The following PCDH15 variants were observed in gnomAD, a reference collection of about 807,000 sequenced individuals.
PCDH15 encodes protocadherin-15.
A neutral mutation model predicts 178.5 loss-of-function variants in PCDH15; 129 were observed. The observed-to-expected ratio is 0.72, with a 90% CI of 0.63 to 0.84. The LOEUF (loss-of-function observed/expected upper bound fraction) is 0.84. Among genes scored for constraint, PCDH15 ranks in the 40% least tolerant of loss-of-function variants. PCDH15 has a pLI of 0.00. For missense variants in PCDH15, 2,230 were observed against 2,099.9 expected (o/e 1.06, Z -1.21); for synonymous variants, 800 against 732.0 (o/e 1.09, Z -1.50).
At chr10:55,620,953 GAACAT>G (rs925906194) in intron 2 of PCDH15, among the ~76,000 whole-genome samples, 4 of 151,484 alleles carry the variant, frequency 2.6e-5, no homozygotes, top group Non-Finnish European at 5.9e-5. Context: ...CCATTTTAAA[GAACAT>G]AACATGTCAT....
At chr10:55,235,906 CAAAAAA>C (rs144784085) in intron 1 of PCDH15, among the ~76,000 whole-genome samples, 2 of 115,636 alleles carry the variant, frequency 1.7e-5, no homozygotes, top group African/African-American at 3.2e-5. Context: ...GACTCCATGT[CAAAAAA>C]AAAAAAAAAA....
At chr10:54,895,797 T>G (rs960739796) in intron 3 of PCDH15, among the ~76,000 whole-genome samples, 1 of 152,000 alleles carries the variant, frequency 6.6e-6, no homozygotes, top group East Asian at 1.9e-4. Context: ...TCAGTCAAGG[T>G]TTTTTTTAGC....
intron 1 of PCDH15, among the ~76,000 whole-genome samples, chr10:55,249,190 T>C (rs1841766641): frequency 2.6e-5 from 4 of 152,156 alleles, no homozygotes; most frequent in Non-Finnish European, 5.9e-5. Context: ...GCAGTAGAGA[T>C]CTTGTTGTTA....
intron 1 of PCDH15, among the ~76,000 whole-genome samples, chr10:54,743,759 T>C (rs1945116529): frequency 6.6e-6 from 1 of 151,870 alleles, no homozygotes; most frequent in African/African-American, 2.4e-5. Flanking sequence ...AAGGATAACA[T>C]GCTAAAATTT....
rs202120151 is a variant in PCDH15, at chr10:53,986,987, T to C, written c.2868+8662A>G. Among the ~76,000 whole-genome samples, 6 of 152,314 alleles carry C rather than the reference T, an allele frequency of 3.9e-5. No homozygotes were observed. In the East Asian group the frequency reaches 1.2e-3, roughly 29 times the overall value. On this transcript the variant is annotated intron_variant, in intron 21 of 37. Coordinates refer to ENST00000644397, the MANE Select transcript of PCDH15 (RefSeq NM_001384140.1). The stretch of plus-strand genomic sequence containing the variant: ...AGTTGAAACCAGACATTCTTGCTCC[T>C]GAGCCCACACTTTTGAAACCACTTA...
intron 2 of PCDH15, among the ~76,000 whole-genome samples, chr10:55,038,887 T>G (rs945948831): frequency 3.3e-5 from 5 of 152,124 alleles, no homozygotes; most frequent in South Asian, 4.1e-4. Flanking sequence ...TGACCTTAAA[T>G]CAGGAATGGG....
At chr10:55,237,080 G>C (rs1017473084) in intron 1 of PCDH15, among the ~76,000 whole-genome samples, 3 of 152,022 alleles carry the variant, frequency 2.0e-5, no homozygotes, top group African/African-American at 7.2e-5. Flanking sequence ...TGTATTACTT[G>C]CAAACATGCA....
chr10:54,054,679 A>G (rs2093847126), intron 18 of PCDH15, among the ~76,000 whole-genome samples: 1 of 152,130 alleles, frequency 6.6e-6, no homozygotes, highest in African/African-American at 2.4e-5. Flanking sequence ...AAATTTTCTA[A>G]TCTATTTATG....
At chr10:55,218,885 T>G (rs1037002600) in intron 1 of PCDH15, among the ~76,000 whole-genome samples, 1 of 152,010 alleles carries the variant, frequency 6.6e-6, no homozygotes, top group African/African-American at 2.4e-5. Flanking sequence ...TTCTTCCACT[T>G]TTTGTGTAAA....
At chr10:55,564,445 A>G (rs1475109953) in intron 2 of PCDH15, among the ~76,000 whole-genome samples, 1 of 151,742 alleles carries the variant, frequency 6.6e-6, no homozygotes, top group Non-Finnish European at 1.5e-5. Context: ...ATATAAATTC[A>G]ATACTAAAAA....
intron 2 of PCDH15, among the ~76,000 whole-genome samples, chr10:55,452,624 T>A (rs1175582608): frequency 6.6e-6 from 1 of 152,204 alleles, no homozygotes; most frequent in Non-Finnish European, 1.5e-5. Context: ...GAATCTGAAA[T>A]GCTGCATTTA....
chr10:55,607,330 G>A (rs1843245410), intron 2 of PCDH15, among the ~76,000 whole-genome samples: 1 of 150,366 alleles, frequency 6.7e-6, no homozygotes, highest in South Asian at 2.1e-4. Flanking sequence ...CATTGTGGAA[G>A]TCAGTGTGGC....
At chr10:53,908,672 C>G (rs1265966397) in intron 25 of PCDH15, among the ~76,000 whole-genome samples, 1 of 152,146 alleles carries the variant, frequency 6.6e-6, no homozygotes, top group East Asian at 1.9e-4. Flanking sequence ...GAAGTTTAGT[C>G]TGATTAAAAA....
chr10:54,345,209 C>A (rs891496561), intron 6 of PCDH15, among the ~76,000 whole-genome samples: 3 of 151,950 alleles, frequency 2.0e-5, no homozygotes, highest in African/African-American at 4.8e-5. Context: ...AATGCATCCA[C>A]AATTTACTTA....
rs970620253 is a variant in PCDH15, at chr10:53,945,862, T to C, written c.3123-4887A>G. ...GTATATATATATATATATATATATATATATATATATATATATATATCACAT... is the reference window on the plus strand; with the variant it reads ...GTATATATATATATATATATATATACATATATATATATATATATATCACAT... On this transcript the variant is annotated intron_variant, in intron 23 of 37. Coordinates refer to ENST00000644397, the MANE Select transcript of PCDH15 (RefSeq NM_001384140.1). 2.8e-3 allele frequency among the ~76,000 whole-genome samples: 395 copies of C among 142,962 alleles called. 6 individuals are homozygous for C. The highest frequency in any genetic ancestry group is 6.9e-3 in the African/African-American group (274 of 39,552). 93.8% of individuals were successfully genotyped at this position (142,962 alleles called of 152,430 possible). A position where few individuals can be genotyped will look rare whatever the true frequency, so the allele number is the denominator to read the frequency against.
chr10:55,459,153 A>C (rs573244696), intron 2 of PCDH15, among the ~76,000 whole-genome samples: 23 of 150,448 alleles, frequency 1.5e-4, no homozygotes, highest in African/African-American at 5.1e-4. Flanking sequence ...GTGTTCAGGA[A>C]AGAATTGATT....
At chr10:55,095,968 A>G (rs1472433598) in intron 2 of PCDH15, among the ~76,000 whole-genome samples, 1 of 152,084 alleles carries the variant, frequency 6.6e-6, no homozygotes, top group East Asian at 1.9e-4. Context: ...AGGATCATGT[A>G]CAAATCCATT....
chr10:54,253,791 G>T (rs183834782), intron 8 of PCDH15, among the ~76,000 whole-genome samples: 269 of 151,974 alleles, frequency 1.8e-3, no homozygotes, highest in Admixed American at 4.6e-3. Flanking sequence ...TTTTACAGCT[G>T]GTTTGAAAAC....
chr10:55,327,769 C>T lies in PCDH15; in HGVS notation c.-155-161118G>A, dbSNP rs117433668. Among the ~76,000 whole-genome samples, 445 of 152,078 alleles carry T rather than the reference C, an allele frequency of 2.9e-3. 3 individuals carry two copies. The highest frequency in any genetic ancestry group is 3.6e-3 in the Non-Finnish European group (246 of 67,916). On this transcript the variant is annotated intron_variant, in intron 2 of 5. Transcript: ENST00000613346. ...TGTTAATAGCTGACACCTAAATTTA[C>T]CTGGAAACTAAAGCCATGATATGAA...
Sources: gnomAD v4.1 joint callset for allele counts (sites outside exome capture counted in the v4.1 genomes callset) on GRCh38, gnomAD v4.1.1 for gene constraint, MANE v1.5 for transcripts, NCBI Gene and HGNC (gene_info 2026-07-23, HGNC 2026-07-21) for gene names.